SEMA3E: variants seen among roughly 807,000 people sequenced by gnomAD.
SEMA3E encodes semaphorin 3E, also known as semaphorin-3E.
SEMA3E carries 49 observed loss-of-function variants against 93.6 expected under a neutral mutation model. The ratio of observed to expected loss-of-function variants is 0.52; its 90% CI spans 0.42 to 0.66. The LOEUF (loss-of-function observed/expected upper bound fraction) is 0.66, where lower values mean the gene tolerates loss of function less well. Among genes scored for constraint, SEMA3E ranks in the 30% least tolerant of loss-of-function variants. The pLI is 0.00. For missense variants in SEMA3E, 906 were observed against 964.8 expected (o/e 0.94, Z 0.81); for synonymous variants, 363 against 330.7 (o/e 1.10, Z -1.06).
intron 1 of SEMA3E, among the ~76,000 whole-genome samples, chr7:83,625,015 G>A (rs1263651751): frequency 6.6e-6 from 1 of 152,132 alleles, no homozygotes; most frequent in Non-Finnish European, 1.5e-5. Context: ...TGTCAGGTTT[G>A]TCAAATATCA....
intron 4 of SEMA3E, among the ~76,000 whole-genome samples, chr7:83,456,133 TAAGAG>T (rs1384977939): frequency 1.3e-5 from 2 of 152,236 alleles, no homozygotes; most frequent in African/African-American, 2.4e-5. Flanking sequence ...GTCTCATTCT[TAAGAG>T]AAATGTTGGC....
intron 1 of SEMA3E, among the ~76,000 whole-genome samples, chr7:83,492,515 A>G (rs1340555344): frequency 2.0e-5 from 3 of 151,934 alleles, no homozygotes; most frequent in Non-Finnish European, 4.4e-5. Context: ...TGAATCATCA[A>G]TCTTATTTTA....
chr7:83,505,325 T>C (rs534977610), intron 1 of SEMA3E, among the ~76,000 whole-genome samples: 1 of 152,108 alleles, frequency 6.6e-6, no homozygotes, highest in African/African-American at 2.4e-5. Context: ...TCAGACAATA[T>C]AAAGATCAGA....
At chr7:83,446,052 A>G (rs1318966499) in intron 4 of SEMA3E, among the ~76,000 whole-genome samples, 1 of 152,208 alleles carries the variant, frequency 6.6e-6, no homozygotes, top group Non-Finnish European at 1.5e-5. Flanking sequence ...AACTTTGACA[A>G]GCTACTCATT....
intron 1 of SEMA3E, among the ~76,000 whole-genome samples, chr7:83,608,555 T>C (rs1793176299): frequency 6.6e-6 from 1 of 152,182 alleles, no homozygotes; most frequent in Admixed American, 6.5e-5. Context: ...ACTTTTAGTA[T>C]GGTGAGCTTT....
intron 1 of SEMA3E, among the ~76,000 whole-genome samples, chr7:83,570,559 A>G (rs1309904573): frequency 6.9e-6 from 1 of 145,432 alleles, no homozygotes; most frequent in Non-Finnish European, 1.5e-5. Flanking sequence ...TCTCAAAAAA[A>G]AAAAAAAAAA....
At chr7:83,419,645 T>A (rs1452048474) in intron 4 of SEMA3E, among the ~76,000 whole-genome samples, 1 of 152,138 alleles carries the variant, frequency 6.6e-6, no homozygotes, top group Non-Finnish European at 1.5e-5. Flanking sequence ...AGATGATACC[T>A]CATTGTGGTT....
intron 1 of SEMA3E, among the ~76,000 whole-genome samples, chr7:83,528,906 G>T (rs967043128): frequency 1.3e-5 from 2 of 151,998 alleles, no homozygotes; most frequent in Non-Finnish European, 1.5e-5. Context: ...ACTATAAAGG[G>T]TTTAAATACG....
chr7:83,539,846 T>TTTC (rs1791481404), intron 1 of SEMA3E, among the ~76,000 whole-genome samples: 1 of 90,130 alleles, frequency 1.1e-5, no homozygotes, highest in Admixed American at 1.2e-4. Flanking sequence ...TTGTTTTGTT[T>TTTC]TGTTGTTTCT....
intron 1 of SEMA3E, among the ~76,000 whole-genome samples, chr7:83,551,221 T>C (rs1420360841): frequency 6.6e-6 from 1 of 152,036 alleles, no homozygotes; most frequent in South Asian, 2.1e-4. Context: ...AAAAAAATAC[T>C]GAAAACAGCC....
At chr7:83,391,248 T>C (rs1164776234) in intron 14 of SEMA3E, among the ~76,000 whole-genome samples, 1 of 152,152 alleles carries the variant, frequency 6.6e-6, no homozygotes, top group Non-Finnish European at 1.5e-5. Context: ...AAGTATTATA[T>C]GCATTGCTCT....
At chr7:83,598,907 T>C (rs1188455098) in intron 1 of SEMA3E, among the ~76,000 whole-genome samples, 8 of 152,194 alleles carry the variant, frequency 5.3e-5, no homozygotes, top group Admixed American at 5.2e-4. Flanking sequence ...ATAAAATATG[T>C]GGCACTCATT....
chr7:83,481,931 C>A (rs747791255), intron 2 of SEMA3E, among the ~76,000 whole-genome samples: 7 of 152,086 alleles, frequency 4.6e-5, no homozygotes, highest in Non-Finnish European at 1.0e-4. Flanking sequence ...CCAAGACCAG[C>A]AAGGATAGTT....
chr7:83,463,122 T>C (rs1789665765), intron 4 of SEMA3E, among the ~76,000 whole-genome samples: 1 of 150,954 alleles, frequency 6.6e-6, no homozygotes, highest in South Asian at 2.1e-4. Context: ...ACACACGTGC[T>C]CTCCCTGCAA....
chr7:83,620,099 T>C (rs1195385214), intron 1 of SEMA3E, among the ~76,000 whole-genome samples: 1 of 151,968 alleles, frequency 6.6e-6, no homozygotes, highest in African/African-American at 2.4e-5. Context: ...TCTCATTTTA[T>C]ATGGCCTCCA....
chr7:83,564,648 G>A (rs1792103954), intron 1 of SEMA3E, among the ~76,000 whole-genome samples: 1 of 151,972 alleles, frequency 6.6e-6, no homozygotes. Context: ...CTCCCAATTA[G>A]CTGTCAGATA....
intron 1 of SEMA3E, 117 bp downstream of exon 1, chr7:83,648,311 G>A: frequency 1.4e-6 from 1 of 720,360 alleles, no homozygotes. Context: ...TTTTTCAGGT[G>A]CATTTTAAAG....
In SEMA3E at chr7:83,621,879, T is replaced by A. The variant is rs377389731; in HGVS notation, c.115+26549A>T. Among the ~76,000 whole-genome samples, 285 of 152,102 alleles carry A rather than the reference T, an allele frequency of 1.9e-3. 1 individual carries two copies. The highest frequency in any genetic ancestry group is 3.4e-3 in the Middle Eastern group (1 of 294). On this transcript the variant is annotated intron_variant, in intron 1 of 16. Coordinates refer to ENST00000643230, the MANE Select transcript of SEMA3E (RefSeq NM_012431.3). ...AAGATTTAAATGTAAAACCCATAACTATAAAAACCCTAGAAGAAAATCTAA... is the reference window on the plus strand; with the variant it reads ...AAGATTTAAATGTAAAACCCATAACAATAAAAACCCTAGAAGAAAATCTAA...
In SEMA3E at chr7:83,466,584, A is replaced by G. The variant is rs1789762868; in HGVS notation, c.354T>C (p.Tyr118=). 2.5e-6 allele frequency: 4 copies of G among 1,613,692 alleles called. No homozygotes were observed. The highest frequency in any genetic ancestry group is 3.4e-6 in the Non-Finnish European group (4 of 1,179,994). Residue 118 remains tyrosine, a synonymous_variant, in exon 4 of 17, where the codon TAT becomes TAC. Coordinates refer to ENST00000643230, the MANE Select transcript of SEMA3E (RefSeq NM_012431.3). ...TGTTATAGTGATGCAAAACCCGAACATAATTTGCACATTCACCCTAAAGCA... is the reference window on the plus strand; with the variant it reads ...TGTTATAGTGATGCAAAACCCGAACGTAATTTGCACATTCACCCTAAAGCA... ...KGKDAGECAN[Y]VRVLHHYNRT...
Sources: gnomAD v4.1 joint callset for allele counts (sites outside exome capture counted in the v4.1 genomes callset) on GRCh38, gnomAD v4.1.1 for gene constraint, MANE v1.5 for transcripts, NCBI Gene and HGNC (gene_info 2026-07-23, HGNC 2026-07-21) for gene names.